Variants in RTKN2 observed in about 807,000 individuals in gnomAD.
RTKN2 encodes the protein rhotekin 2, also known as rhotekin-2.
Under a neutral mutation model 71.5 loss-of-function variants are expected in RTKN2, and 69 were observed. The ratio of observed to expected loss-of-function variants is 0.96; its 90% CI spans 0.79 to 1.18. RTKN2 has a LOEUF of 1.18. RTKN2 is among the 50% of genes most tolerant of loss of function. The pLI is 0.00. For synonymous variants in RTKN2, 236 were observed against 236.5 expected (o/e 1.00, Z 0.02); for missense variants, 724 against 719.7 (o/e 1.01, Z -0.07).
chr10:62,263,542 T>C (rs1842815487), intron 1 of RTKN2, among the ~76,000 whole-genome samples: 1 of 152,196 alleles, frequency 6.6e-6, no homozygotes, highest in Non-Finnish European at 1.5e-5. Context: ...ATATCACACA[T>C]ATATATTATA....
At position 62,215,593 on chromosome 10, in the gene RTKN2, T is replaced by C. The variant is rs367933970; in HGVS notation, c.1020+1525A>G. Among the ~76,000 whole-genome samples, 15 of 152,166 alleles carry C rather than the reference T, an allele frequency of 9.9e-5. No individual in the cohort carries two copies. In the South Asian group the frequency reaches 3.1e-3, roughly 32 times the overall value. On this transcript the variant is annotated intron_variant, in intron 9 of 11. Coordinates refer to ENST00000373789, the MANE Select transcript of RTKN2 (RefSeq NM_145307.4). Reference sequence around the variant, plus strand: ...ATATTATGGTTATGAAAAAGTGTCCTTGGTTTTAGGAGAAATATGCTAACA... The same window carrying C: ...ATATTATGGTTATGAAAAAGTGTCCCTGGTTTTAGGAGAAATATGCTAACA...
chr10:62,245,911 G>T, intron 3 of RTKN2, 88 bp downstream of exon 3: 1 of 782,828 alleles, frequency 1.3e-6, no homozygotes, highest in Non-Finnish European at 2.1e-6. Flanking sequence ...AAAATGAAGA[G>T]AATGGAGACA....
Position 62,197,730 on chromosome 10 carries a change from C to A in RTKN2, c.*178G>T. The A allele has an allele frequency of 7.1e-7, 1 of 1,409,262 alleles. No homozygotes were observed. Among genetic ancestry groups the A allele is most frequent in the Non-Finnish European group, 9.2e-7 (1 of 1,088,044 alleles). 87.3% of individuals were successfully genotyped at this position (1,409,262 alleles called of 1,614,324 possible). ...GAGAAATCACTTACATTCTGCAAAT[C>A]AGGAGTAAAAGAGAAATCCACTTCT... On this transcript the variant is annotated 3_prime_UTR_variant, in exon 12 of 12. Transcript: ENST00000373789.
intron 3 of RTKN2, among the ~76,000 whole-genome samples, chr10:62,244,739 T>C (rs1378208836): frequency 6.6e-6 from 1 of 152,196 alleles, no homozygotes; most frequent in East Asian, 1.9e-4. Flanking sequence ...TGTTTTGTAT[T>C]ATAAAGATAA....
At chr10:62,251,603 A>G (rs1429358032) in intron 2 of RTKN2, among the ~76,000 whole-genome samples, 1 of 152,214 alleles carries the variant, frequency 6.6e-6, no homozygotes, top group African/African-American at 2.4e-5. Flanking sequence ...AAAACTCTTC[A>G]TTTGATTAAA....
At chr10:62,229,482 T>C (rs1842103850) in intron 6 of RTKN2, among the ~76,000 whole-genome samples, 1 of 152,174 alleles carries the variant, frequency 6.6e-6, no homozygotes, top group African/African-American at 2.4e-5. Flanking sequence ...AAGAAAAATA[T>C]CTGAAATGGT....
At chr10:62,229,178 A>G (rs903769059) in intron 6 of RTKN2, among the ~76,000 whole-genome samples, 6 of 152,232 alleles carry the variant, frequency 3.9e-5, no homozygotes, top group African/African-American at 1.2e-4. Flanking sequence ...AAGAAGAGAG[A>G]TGCTAGGAAA....
Position 62,204,871 on chromosome 10 carries a change from T to A in RTKN2, c.1172A>T (p.His391Leu), listed in dbSNP as rs754139580. 6.4e-7 allele frequency: 1 copy of A among 1,568,570 alleles called. No individual in the cohort carries two copies. The highest frequency in any genetic ancestry group is 1.2e-5 in the South Asian group (1 of 81,182). Residue 391 changes from histidine (H) to leucine (L), a missense_variant, in exon 10 of 12, where the codon CAT (histidine) becomes CTT (leucine). Transcript: ENST00000373789. ...LQKWMEAFWQ[H>L]FFDLSQWKHC... ...TATCTATTTACTAAGATCAAAGAAA[T>A]GCTGCCAGAAGGCTTCCATCCACTT...
intron 9 of RTKN2, among the ~76,000 whole-genome samples, chr10:62,205,902 G>C (rs1217980861): frequency 2.0e-5 from 3 of 152,128 alleles, no homozygotes; most frequent in Non-Finnish European, 4.4e-5. Context: ...CACAAAGATA[G>C]AGATTTGATG....
intron 6 of RTKN2, among the ~76,000 whole-genome samples, chr10:62,230,553 G>C (rs1260284645): frequency 6.6e-6 from 1 of 152,170 alleles, no homozygotes; most frequent in African/African-American, 2.4e-5. Flanking sequence ...TCAACTGCAT[G>C]CAAAGCATTG....
At position 62,195,788 on chromosome 10, in the gene RTKN2, A is replaced by C; in HGVS notation, c.*2120T>G. On this transcript the variant is annotated 3_prime_UTR_variant, in exon 12 of 12. Coordinates refer to ENST00000373789, the MANE Select transcript of RTKN2 (RefSeq NM_145307.4). ...TAACATACAGTAAGCTGGGCCCCCC[A>C]GAAAGAGACCGAATAATTTGGTGGG... 1.0e-6 allele frequency: 1 copy of C among 985,504 alleles called. No individual in the cohort carries two copies. Among genetic ancestry groups the C allele is most frequent in the South Asian group, 4.7e-5 (1 of 21,294 alleles). 61.0% of individuals were successfully genotyped at this position (985,504 alleles called of 1,614,324 possible).
intron 8 of RTKN2, 63 bp from the exon 9 acceptor site, chr10:62,217,312 A>T: frequency 9.2e-7 from 1 of 1,087,066 alleles, no homozygotes; most frequent in Non-Finnish European, 1.3e-6. Flanking sequence ...CTTTAAATAC[A>T]TCAAAATACT....
intron 9 of RTKN2, among the ~76,000 whole-genome samples, chr10:62,214,182 TTATA>T (rs954919136): frequency 2.6e-5 from 4 of 151,836 alleles, no homozygotes; most frequent in African/African-American, 7.2e-5. Flanking sequence ...TTATATTTAT[TTATA>T]TTCTATAATA....
At chr10:62,264,744 T>C (rs894855283) in intron 1 of RTKN2, among the ~76,000 whole-genome samples, 21 of 152,092 alleles carry the variant, frequency 1.4e-4, no homozygotes, top group African/African-American at 4.8e-4. Context: ...CATATTAGAA[T>C]CATCTGAGGC....
intron 10 of RTKN2, among the ~76,000 whole-genome samples, chr10:62,201,422 G>T (rs776879066): frequency 1.3e-5 from 2 of 152,054 alleles, no homozygotes; most frequent in Admixed American, 1.3e-4. Flanking sequence ...CACAGCAACT[G>T]ATAAAGGGAA....
In RTKN2 at chr10:62,236,232, C is replaced by T. The variant is rs151279740; in HGVS notation, c.520G>A (p.Val174Met). The T allele has an allele frequency of 6.2e-6, 10 of 1,610,514 alleles. No homozygotes were observed. Among genetic ancestry groups the T allele is most frequent in the Admixed American group, 1.7e-5 (1 of 59,738 alleles). Residue 174 changes from valine (V) to methionine (M), a missense_variant, in exon 6 of 12, where the codon GTG becomes ATG. Coordinates refer to ENST00000373789, the MANE Select transcript of RTKN2 (RefSeq NM_145307.4). Reference sequence around the variant, plus strand: ...TCTGTACAGCAACTATACACTTCCACCTTTATCTGAAAGTCTGGCCCTGCT... The same window carrying T: ...TCTGTACAGCAACTATACACTTCCATCTTTATCTGAAAGTCTGGCCCTGCT... ...NEAGPDFQIK[V>M]EVYSCCTEES...
At chr10:62,259,095 T>A (rs777525883) in intron 2 of RTKN2, 1 of 387,014 alleles carries the variant, frequency 2.6e-6, no homozygotes, top group Non-Finnish European at 5.2e-6. Context: ...TTTCCTGCAC[T>A]GTTCTCATGA....
intron 4 of RTKN2, 29 bp downstream of exon 4, chr10:62,241,113 T>C: frequency 1.5e-6 from 2 of 1,317,990 alleles, no homozygotes; most frequent in Non-Finnish European, 2.1e-6. Context: ...AAAGAAAACA[T>C]TTCAATTACA....
intron 3 of RTKN2, among the ~76,000 whole-genome samples, chr10:62,245,027 G>A (rs571941876): frequency 1.3e-5 from 2 of 152,218 alleles, no homozygotes; most frequent in Admixed American, 1.3e-4. Context: ...ACCAATGGAG[G>A]TATATACTAT....
Sources: gnomAD v4.1 joint callset for allele counts (sites outside exome capture counted in the v4.1 genomes callset) on GRCh38, gnomAD v4.1.1 for gene constraint, MANE v1.5 for transcripts, NCBI Gene and HGNC (gene_info 2026-07-23, HGNC 2026-07-21) for gene names.